Variants in SAFB observed in about 807,000 individuals in gnomAD.
SAFB encodes the protein scaffold attachment factor B1.
A neutral mutation model predicts 101.6 loss-of-function variants in SAFB; 15 were observed. The observed-to-expected ratio is 0.15, with a 90% CI of 0.10 to 0.23. The LOEUF (loss-of-function observed/expected upper bound fraction) is 0.23, where lower values mean the gene tolerates loss of function less well. SAFB is among the 10% of genes least tolerant of loss of function. The pLI is 1.00. For missense variants in SAFB, 930 were observed against 1,104.1 expected (o/e 0.84, Z 2.23); for synonymous variants, 449 against 407.5 (o/e 1.10, Z -1.23).
intron 2 of SAFB, among the ~76,000 whole-genome samples, chr19:5,627,294 G>A (rs530850235): frequency 6.6e-6 from 1 of 151,816 alleles, no homozygotes; most frequent in East Asian, 1.9e-4. Context: ...AGCCTGGGCT[G>A]CCTCTATCCA....
In SAFB at chr19:5,667,107, G is replaced by C; in HGVS notation, c.2396G>C (p.Gly799Ala). 6.2e-7 allele frequency: 1 copy of C among 1,612,894 alleles called. No homozygotes were observed. The highest frequency in any genetic ancestry group is 1.1e-5 in the South Asian group (1 of 91,072). ...GGCCGGGACTCCCGCGATGGCTGGG[G>C]GGGCTATGGCTCTGACAAGAGGATG... ...RHGRDSRDGW[G>A]GYGSDKRMSE... Residue 799 changes from glycine (G) to alanine (A), a missense_variant, in exon 18 of 21, where the codon GGG becomes GCG. This residue lies in a region of SAFB where 318 missense variants were observed against 342.6 expected (regional missense o/e 0.93). Coordinates refer to ENST00000588852, the MANE Select transcript of SAFB (RefSeq NM_001201338.2). The surrounding 1 kb of genome is among the most constrained non-coding windows in gnomAD (Gnocchi z 4.0).
chr19:5,652,989 A>G lies in SAFB; in HGVS notation c.1294-126A>G, dbSNP rs1033014643. The G allele has an allele frequency of 7.9e-6, 7 of 888,550 alleles. 1 individual carries two copies. The South Asian group carries it at 1.2e-4, about 15-fold the overall frequency. 55.0% of individuals were successfully genotyped at this position (888,550 alleles called of 1,614,324 possible). On this transcript the variant is annotated intron_variant, in intron 9 of 20. Coordinates refer to ENST00000588852, the MANE Select transcript of SAFB (RefSeq NM_001201338.2). ...ACAGCGAAACAGAAGCATTAGTAGCATTGTCCTCCCCAGTCTAACACTTGT... is the reference window on the plus strand; with the variant it reads ...ACAGCGAAACAGAAGCATTAGTAGCGTTGTCCTCCCCAGTCTAACACTTGT...
chr19:5,659,991 A>G (rs1374616245), intron 14 of SAFB, among the ~76,000 whole-genome samples: 1 of 152,226 alleles, frequency 6.6e-6, no homozygotes, highest in Non-Finnish European at 1.5e-5. Context: ...GAAGGTGCTG[A>G]GATCCACAGA....
At chr19:5,654,339 C>T in intron 12 of SAFB, 29 bp from the exon 13 acceptor site, 1 of 1,599,396 alleles carries the variant, frequency 6.3e-7, no homozygotes, top group East Asian at 2.2e-5. Context: ...CTTGGTTTTC[C>T]ACTTACACTT....
chr19:5,664,568 A>G, intron 17 of SAFB, 129 bp downstream of exon 17: 2 of 733,768 alleles, frequency 2.7e-6, no homozygotes, highest in South Asian at 1.6e-5. Flanking sequence ...GTAAAGCACT[A>G]GAAAAGTCTA....
intron 2 of SAFB, among the ~76,000 whole-genome samples, chr19:5,639,953 T>C (rs1181041427): frequency 6.6e-6 from 1 of 152,048 alleles, no homozygotes; most frequent in Non-Finnish European, 1.5e-5. Context: ...TTCTCCTGCC[T>C]CAGCCTCCCA....
intron 5 of SAFB, among the ~76,000 whole-genome samples, chr19:5,647,212 T>C (rs1421553890): frequency 6.6e-6 from 1 of 152,166 alleles, no homozygotes; most frequent in East Asian, 1.9e-4. Flanking sequence ...AGGGAAAGCC[T>C]TCCTGAAAGG....
chr19:5,637,168 C>A (rs1238948024), intron 2 of SAFB, among the ~76,000 whole-genome samples: 1 of 150,530 alleles, frequency 6.6e-6, no homozygotes, highest in East Asian at 2.0e-4. Flanking sequence ...CACGGTGAAA[C>A]CCCGTCTCTA....
intron 13 of SAFB, among the ~76,000 whole-genome samples, chr19:5,655,336 T>G (rs1009417798): frequency 2.0e-5 from 3 of 151,568 alleles, no homozygotes; most frequent in Admixed American, 1.3e-4. Flanking sequence ...TATGCATCTG[T>G]GGTCCCAGCT....
chr19:5,666,512 TC>T (rs1273448840), intron 17 of SAFB: 4 of 165,548 alleles, frequency 2.4e-5, no homozygotes, highest in African/African-American at 7.2e-5. Context: ...AGCAGAAACT[TC>T]CGAGAAACTT....
chr19:5,654,800 C>T (rs958190534), intron 13 of SAFB, among the ~76,000 whole-genome samples: 2 of 152,208 alleles, frequency 1.3e-5, no homozygotes, highest in African/African-American at 4.8e-5. Flanking sequence ...CTCCTCACCT[C>T]AGGTGATCCG....
intron 2 of SAFB, among the ~76,000 whole-genome samples, chr19:5,634,340 G>C (rs951500148): frequency 2.6e-5 from 4 of 151,960 alleles, no homozygotes; most frequent in Admixed American, 2.0e-4. Flanking sequence ...GGGCGGGGGG[G>C]AATACAGGGA....
rs184927473 is a variant in SAFB at position 5,629,477 on chromosome 19, A to G, written c.274+2988A>G. Among the ~76,000 whole-genome samples, 396 of 152,278 alleles carry G rather than the reference A, an allele frequency of 2.6e-3. 2 individuals carry two copies. The highest frequency in any genetic ancestry group is 4.0e-3 in the Non-Finnish European group (274 of 68,006). ...ACACACCTGTATGCATATTTTTTTC[A>G]TTAAAAAAACCCGTGATCTTGCTAT... On this transcript the variant is annotated intron_variant, in intron 2 of 20. Transcript: ENST00000588852.
chr19:5,645,600 C>T (rs1296735645), intron 5 of SAFB, among the ~76,000 whole-genome samples: 1 of 152,174 alleles, frequency 6.6e-6, no homozygotes, highest in Non-Finnish European at 1.5e-5. Flanking sequence ...CTCTAGGCTT[C>T]GACGAGTGGC....
rs145778900 is a variant in SAFB, at chr19:5,664,043, G to A, written c.2175G>A (p.Pro725=). 3.4e-5 allele frequency: 55 copies of A among 1,613,976 alleles called. 1 individual carries two copies. In the Admixed American group the frequency reaches 4.7e-4, roughly 14 times the overall value. ...DLDRRDDAYW[P]EAKRAALDER... Reference sequence around the variant, plus strand: ...ACAGGCGAGATGATGCCTATTGGCCGGAAGCCAAGCGGGCCGCCCTGGATG... The same window carrying A: ...ACAGGCGAGATGATGCCTATTGGCCAGAAGCCAAGCGGGCCGCCCTGGATG... The change falls in exon 16 of 21, where the codon CCG becomes CCA. Residue 725 remains proline (P), a synonymous_variant. Transcript: ENST00000588852.
intron 2 of SAFB, among the ~76,000 whole-genome samples, chr19:5,627,824 C>T (rs758820069): frequency 6.6e-6 from 1 of 152,212 alleles, no homozygotes; most frequent in Non-Finnish European, 1.5e-5. Flanking sequence ...TAGTTCCTTA[C>T]CCCTTGGTTT....
chr19:5,647,898 TTG>T, intron 5 of SAFB, 116 bp from the exon 6 acceptor site: 1 of 924,978 alleles, frequency 1.1e-6, no homozygotes. Flanking sequence ...CCTCTTGAGT[TTG>T]TGAGTTTCCC....
rs776455255 is a variant in SAFB at position 5,668,134 on chromosome 19, A to G, written c.2625-28A>G. 19 of 1,601,286 alleles carry G rather than the reference A, an allele frequency of 1.2e-5. No homozygotes were observed. The Admixed American group carries it at 2.6e-4, about 22-fold the overall frequency. On this transcript the variant is annotated intron_variant, in intron 20 of 20. Coordinates refer to ENST00000588852, the MANE Select transcript of SAFB (RefSeq NM_001201338.2). ...GGGCCGGGGAGCAGGAGGACTTCGCAGTCAAACCAATGTGAATTTGTTCCT... is the reference window on the plus strand; with the variant it reads ...GGGCCGGGGAGCAGGAGGACTTCGCGGTCAAACCAATGTGAATTTGTTCCT...
chr19:5,641,154 G>A (rs1202213608), intron 2 of SAFB, among the ~76,000 whole-genome samples: 2 of 152,200 alleles, frequency 1.3e-5, no homozygotes, highest in Non-Finnish European at 2.9e-5. Flanking sequence ...ACAGGCGTAA[G>A]CCATCGCATC....
Sources: gnomAD v4.1 joint callset for allele counts (sites outside exome capture counted in the v4.1 genomes callset) on GRCh38, gnomAD v4.1.1 for gene constraint, gnomAD v4.1.1 regional missense constraint, Gnocchi (gnomAD v3.1) non-coding constraint, MANE v1.5 for transcripts, NCBI Gene and HGNC (gene_info 2026-07-23, HGNC 2026-07-21) for gene names.